AOPEP: variants seen among roughly 807,000 people sequenced by gnomAD.
AOPEP encodes aminopeptidase O (putative).
A neutral mutation model predicts 98.1 loss-of-function variants in AOPEP; 77 were observed. The ratio of observed to expected loss-of-function variants is 0.78; its 90% CI spans 0.65 to 0.95. The LOEUF (loss-of-function observed/expected upper bound fraction) is 0.95, where lower values mean the gene tolerates loss of function less well. Among genes scored for constraint, AOPEP ranks in the 40% least tolerant of loss-of-function variants. The pLI is 0.00. For synonymous variants in AOPEP, 346 were observed against 365.3 expected, an observed-to-expected ratio of 0.95 and a Z score of 0.60; for missense variants, 1,024 against 1,024.7, an observed-to-expected ratio of 1.00 and a Z score of 0.01.
At chr9:94,777,745 C>G (rs866501440) in intron 3 of AOPEP, among the ~76,000 whole-genome samples, 6 of 146,466 alleles carry the variant, frequency 4.1e-5, no homozygotes, top group Middle Eastern at 3.6e-3. Context: ...GCGATTCTCT[C>G]ACCGAGCAGC....
At chr9:94,990,764 C>T (rs773455828) in intron 11 of AOPEP, among the ~76,000 whole-genome samples, 74 of 151,944 alleles carry the variant, frequency 4.9e-4, no homozygotes, top group Non-Finnish European at 9.4e-4. Context: ...AGTAGCTGGA[C>T]TACAGGTCTG....
chr9:95,061,545 A>C (rs2067317712), intron 14 of AOPEP, among the ~76,000 whole-genome samples: 2 of 152,222 alleles, frequency 1.3e-5, no homozygotes, highest in South Asian at 4.1e-4. Flanking sequence ...AGCTATTTTG[A>C]GTTGAGATGT....
rs536950505 is a variant in AOPEP, at chr9:95,035,540, C to T, written c.2116-25154C>T. Among the ~76,000 whole-genome samples, 282 of 84,492 alleles carry T rather than the reference C, an allele frequency of 3.3e-3. 2 individuals are homozygous for T. The highest frequency in any genetic ancestry group is 3.8e-3 in the Non-Finnish European group (182 of 47,864). The allele number at this position is 84,492 out of a possible 152,430, so 55.4% of individuals were successfully genotyped here. A position where few individuals can be genotyped will look rare whatever the true frequency, so the allele number is the denominator to read the frequency against. On this transcript the variant is annotated intron_variant, in intron 13 of 16. Transcript: ENST00000375315. ...TTTTTTTTTTTTTTTTTTTTTGAGA[C>T]GGAGTTTCGCTCTTGTTGCCCAGGC...
At chr9:94,853,669 C>T (rs2043834048) in intron 5 of AOPEP, among the ~76,000 whole-genome samples, 1 of 152,020 alleles carries the variant, frequency 6.6e-6, no homozygotes, top group South Asian at 2.1e-4. Flanking sequence ...ACAGTGATAT[C>T]AGAAATTAGG....
At chr9:95,000,338 T>C (rs1311492931) in intron 11 of AOPEP, among the ~76,000 whole-genome samples, 1 of 152,230 alleles carries the variant, frequency 6.6e-6, no homozygotes, top group African/African-American at 2.4e-5. Flanking sequence ...TTATGTAGCA[T>C]CTTTTATATT....
chr9:95,037,076 A>G (rs2064895819), intron 13 of AOPEP, among the ~76,000 whole-genome samples: 1 of 152,214 alleles, frequency 6.6e-6, no homozygotes, highest in South Asian at 2.1e-4. Context: ...CTTCGGCCTA[A>G]GAGTGGGCAT....
intron 14 of AOPEP, among the ~76,000 whole-genome samples, chr9:95,071,338 G>A (rs139145181): frequency 8.4e-5 from 11 of 131,402 alleles, no homozygotes; most frequent in East Asian, 6.6e-4. Context: ...TTCAGATTTC[G>A]GATTTTTGAA....
At chr9:94,727,713 C>T (rs1038232671) in intron 1 of AOPEP, among the ~76,000 whole-genome samples, 4 of 152,124 alleles carry the variant, frequency 2.6e-5, no homozygotes, top group Non-Finnish European at 4.4e-5. Context: ...TATTGTGCTT[C>T]GTATAAGTCT....
At chr9:95,038,886 A>G (rs1465720317) in intron 13 of AOPEP, among the ~76,000 whole-genome samples, 1 of 152,172 alleles carries the variant, frequency 6.6e-6, no homozygotes, top group East Asian at 1.9e-4. Context: ...GTGTGGCTTA[A>G]TATCTGTACT....
intron 14 of AOPEP, among the ~76,000 whole-genome samples, chr9:95,069,288 G>A (rs1215776652): frequency 6.6e-6 from 1 of 152,204 alleles, no homozygotes; most frequent in African/African-American, 2.4e-5. Context: ...GGGAAAGTGA[G>A]GGAAGGGGAC....
downstream of AOPEP, among the ~76,000 whole-genome samples, chr9:95,089,215 C>T (rs186298528): frequency 5.3e-5 from 8 of 152,158 alleles, no homozygotes; most frequent in South Asian, 2.1e-4. Context: ...GAGAGCAAAC[C>T]GGGGTCTCGG....
At chr9:94,857,620 T>C (rs1398605148) in intron 5 of AOPEP, among the ~76,000 whole-genome samples, 3 of 152,140 alleles carry the variant, frequency 2.0e-5, no homozygotes, top group African/African-American at 7.2e-5. Context: ...TACCTATCTA[T>C]CTTATAAAAT....
chr9:95,111,735 T>C, the AOPEP span: 1 of 1,449,400 alleles, frequency 6.9e-7, no homozygotes, highest in African/African-American at 1.4e-5. Context: ...TTGGCTTAAA[T>C]TGTACTTATC....
At chr9:94,769,867 T>A (rs762739461) in intron 2 of AOPEP, among the ~76,000 whole-genome samples, 2 of 152,170 alleles carry the variant, frequency 1.3e-5, no homozygotes, top group Non-Finnish European at 2.9e-5. Context: ...AGGACAAAAT[T>A]CTAGAACAAA....
intron 5 of AOPEP, among the ~76,000 whole-genome samples, chr9:94,834,373 C>A (rs1471922284): frequency 1.3e-5 from 2 of 152,156 alleles, no homozygotes; most frequent in East Asian, 3.9e-4. Flanking sequence ...TTTGGATGAA[C>A]CAAATATAAA....
intron 13 of AOPEP, among the ~76,000 whole-genome samples, chr9:95,046,297 G>A (rs915000151): frequency 6.6e-6 from 1 of 152,172 alleles, no homozygotes; most frequent in Non-Finnish European, 1.5e-5. Context: ...AACTTAATCG[G>A]CAGTGGCTTT....
At chr9:95,077,745 C>CA (rs1337804800) in intron 14 of AOPEP, among the ~76,000 whole-genome samples, 1 of 152,158 alleles carries the variant, frequency 6.6e-6, no homozygotes, top group East Asian at 1.9e-4. Flanking sequence ...GATATTCTGT[C>CA]AGGGCTCCTT....
intron 13 of AOPEP, among the ~76,000 whole-genome samples, chr9:95,026,856 T>C (rs1292418873): frequency 2.6e-5 from 4 of 152,226 alleles, no homozygotes; most frequent in African/African-American, 4.8e-5. Context: ...TGCCATGAGC[T>C]ATAAGGAATA....
intron 5 of AOPEP, among the ~76,000 whole-genome samples, chr9:94,828,702 C>G (rs1214190396): frequency 6.6e-6 from 1 of 151,706 alleles, no homozygotes; most frequent in Non-Finnish European, 1.5e-5. Context: ...GTTAAAAAAG[C>G]AAACAGACCA....
Sources: gnomAD v4.1 joint callset for allele counts (sites outside exome capture counted in the v4.1 genomes callset) on GRCh38, gnomAD v4.1.1 for gene constraint, MANE v1.5 for transcripts, NCBI Gene and HGNC (gene_info 2026-07-23, HGNC 2026-07-21) for gene names.